The following POU5F1 variants were observed in gnomAD, a reference collection of about 807,000 sequenced individuals.
The protein encoded by POU5F1 is POU domain, class 5, transcription factor 1.
A neutral mutation model predicts 38.3 loss-of-function variants in POU5F1; 6 were observed. The observed-to-expected ratio is 0.16, with a 90% CI of 0.09 to 0.31. The LOEUF (loss-of-function observed/expected upper bound fraction) is 0.31. POU5F1 is among the 10% of genes least tolerant of loss of function. POU5F1 has a pLI of 1.00. For synonymous variants in POU5F1, 147 were observed against 194.9 expected, an observed-to-expected ratio of 0.75 and a Z score of 2.05; for missense variants, 286 against 462.6, an observed-to-expected ratio of 0.62 and a Z score of 3.50.
rs1237106007 is a variant in POU5F1 at position 31,165,295 on chromosome 6, G to A, written c.658-9C>T. On this transcript the variant is annotated splice_polypyrimidine_tract_variant and intron_variant, in intron 3 of 4. Transcript: ENST00000259915. This position sits in a 1 kb window ranked among gnomAD's most constrained non-coding sequence, Gnocchi z 6.5. ...GTTTCTGCTTTGCATATCTGTGCAG[G>A]TGGGAAGGGGGTGACAAGGGCAAGC... 2 of 1,608,134 alleles carry A rather than the reference G, an allele frequency of 1.2e-6. No individual in the cohort carries two copies. Among genetic ancestry groups the A allele is most frequent in the African/African-American group, 1.3e-5 (1 of 74,886 alleles).
Position 31,170,484 on chromosome 6 carries a change from C to G in POU5F1, c.137G>C (p.Gly46Ala). 6.2e-7 allele frequency: 1 copy of G among 1,602,418 alleles called. No individual in the cohort carries two copies. Among genetic ancestry groups the G allele is most frequent in the Non-Finnish European group, 8.5e-7 (1 of 1,175,232 alleles). The change falls in exon 1 of 5, where the codon GGA (glycine) becomes GCA (alanine). Residue 46 changes from glycine to alanine, a missense_variant. Gly to Ala is a moderately conservative substitution (Grantham distance 60). Around this residue, in one of 2 missense-constraint regions of POU5F1, gnomAD observed 176 missense variants for 184.8 expected, o/e 0.95. Coordinates refer to ENST00000259915, the MANE Select transcript of POU5F1 (RefSeq NM_002701.6). ...LSFQGPPGGP[G>A]IGPGVGPGSE... is the part of the protein sequence containing the mutation. Reference sequence around the variant, plus strand: ...GCCTGGCCCAACCCCCGGCCCGATTCCTGGCCCTCCAGGAGGGCCTTGGAA... The same window carrying G: ...GCCTGGCCCAACCCCCGGCCCGATTGCTGGCCCTCCAGGAGGGCCTTGGAA...
chr6:31,165,202 A>C lies in POU5F1; in HGVS notation c.742T>G (p.Leu248Val). ...ENRVRGNLENLFLQCPKPTLQ... is the reference protein window; with the variant it reads ...ENRVRGNLENVFLQCPKPTLQ... ...GTGGGTTTCGGGCACTGCAGGAACA[A>C]ATTCTCCAGGTTGCCTCTCACTCGG... Residue 248 changes from leucine to valine, a missense_variant, in exon 4 of 5, where the codon TTG becomes GTG. By Grantham distance (32) the Leu-to-Val change is conservative (BLOSUM62 1). Transcript: ENST00000259915. The surrounding 1 kb of genome is among the most constrained non-coding windows in gnomAD (Gnocchi z 6.5). The C allele has an allele frequency of 6.2e-7, 1 of 1,610,552 alleles. No individual in the cohort carries two copies.
intron 1 of POU5F1, chr6:31,167,045 C>G: frequency 1.7e-6 from 1 of 589,660 alleles, no homozygotes; most frequent in Non-Finnish European, 3.1e-6. Context: ...CGAGCACCTT[C>G]TATAAGCCAG....
chr6:31,165,481 C>CA lies in POU5F1; in HGVS notation c.657+89dup, dbSNP rs1777155174. On this transcript the variant is annotated intron_variant, in intron 3 of 4. Transcript: ENST00000259915. The surrounding 1 kb of genome is among the most constrained non-coding windows in gnomAD (Gnocchi z 6.5). ...TCCATCCCACTGAGAACCACTGCAC[C>CA]AAAGACGGAGAGCTACGAGCCAGTG... 6.2e-7 allele frequency: 1 copy of CA among 1,602,588 alleles called. No individual in the cohort carries two copies. The highest frequency in any genetic ancestry group is 1.3e-5 in the African/African-American group (1 of 74,790).
intron 1 of POU5F1, among the ~76,000 whole-genome samples, chr6:31,168,687 TGAG>T (rs1777457906): frequency 1.3e-5 from 2 of 152,182 alleles, no homozygotes; most frequent in Non-Finnish European, 2.9e-5. Flanking sequence ...TGAAAGAAAC[TGAG>T]GATGACTGGG....
Position 31,164,814 on chromosome 6 carries a change from G to A in POU5F1, c.870C>T (p.Ser290=), listed in dbSNP as rs141766253. The change falls in exon 5 of 5, where the codon AGC becomes AGT. Residue 290 remains serine, a synonymous_variant. Coordinates refer to ENST00000259915, the MANE Select transcript of POU5F1 (RefSeq NM_002701.6). The part of the protein sequence containing the change: ...NRRQKGKRSS[S]DYAQREDFEA... Reference sequence around the variant, plus strand: ...CAAAATCCTCTCGTTGTGCATAGTCGCTGCTTGATCGCTTGCCCTTCTGGC... The same window carrying A: ...CAAAATCCTCTCGTTGTGCATAGTCACTGCTTGATCGCTTGCCCTTCTGGC... 4.7e-5 allele frequency: 75 copies of A among 1,612,674 alleles called. No homozygotes were observed. The Middle Eastern group carries it at 5.0e-4, about 11-fold the overall frequency.
chr6:31,164,904 C>G, intron 4 of POU5F1, 37 bp from the exon 5 acceptor site: 1 of 1,531,148 alleles, frequency 6.5e-7, no homozygotes, highest in Non-Finnish European at 8.7e-7. Context: ...TGACATTAGA[C>G]AATGAGCTGA....
Position 31,165,682 on chromosome 6 carries a change from C to G in POU5F1, c.546G>C (p.Thr182=), listed in dbSNP as rs373808092. ...GVLFGKVFSQ[T]TICRFEALQL... ...GCAGAGCCTCAAAGCGGCAGATGGT[C>G]GTTTGGCTGAATACCTTCCCTGGGG... Residue 182 remains threonine (T), a synonymous_variant, in exon 3 of 5, where the codon ACG becomes ACC. Transcript: ENST00000259915. The surrounding 1 kb of genome is among the most constrained non-coding windows in gnomAD (Gnocchi z 6.5). 1 of 1,613,026 alleles carries G rather than the reference C, an allele frequency of 6.2e-7. No individual in the cohort carries two copies. Among genetic ancestry groups the G allele is most frequent in the Admixed American group, 1.7e-5 (1 of 59,778 alleles).
At chr6:31,166,480 G>A in intron 1 of POU5F1, 1 of 1,230,862 alleles carries the variant, frequency 8.1e-7, no homozygotes, top group Non-Finnish European at 1.1e-6. Flanking sequence ...CCAACATGGT[G>A]AAACCCCGTC....
chr6:31,170,199 C>A lies in POU5F1; in HGVS notation c.405+17G>T. On this transcript the variant is annotated intron_variant, in intron 1 of 4. Coordinates refer to ENST00000259915, the MANE Select transcript of POU5F1 (RefSeq NM_002701.6). ...TGACCACCTCCCCACACCCCAACCC[C>A]GTCGAAGCTCACTTGCCTCCTCCGG... The A allele has an allele frequency of 6.2e-7, 1 of 1,612,858 alleles. No homozygotes were observed. Among genetic ancestry groups the A allele is most frequent in the Non-Finnish European group, 8.5e-7 (1 of 1,179,832 alleles).
At chr6:31,167,533 C>T (rs1777359823) in intron 1 of POU5F1, among the ~76,000 whole-genome samples, 1 of 152,080 alleles carries the variant, frequency 6.6e-6, no homozygotes, top group Admixed American at 6.6e-5. Context: ...CATAGTGAGA[C>T]TCTGTCTCTA....
intron 1 of POU5F1, among the ~76,000 whole-genome samples, chr6:31,167,958 A>G (rs9263805): frequency 2.6e-5 from 4 of 151,766 alleles, no homozygotes; most frequent in East Asian, 2.0e-4. Context: ...TTTTCTCCCC[A>G]CCAAGACGGA....
chr6:31,165,107 G>T lies in POU5F1; in HGVS notation c.816+21C>A. ...GTGACAGGGGAAAGAGATGGAGCCC[G>T]CAGAGAGACATGGCACTCACATCCT... On this transcript the variant is annotated intron_variant, in intron 4 of 4. Transcript: ENST00000259915. The surrounding 1 kb of genome is among the most constrained non-coding windows in gnomAD (Gnocchi z 6.5). 6.2e-7 allele frequency: 1 copy of T among 1,602,640 alleles called. No individual in the cohort carries two copies. The highest frequency in any genetic ancestry group is 8.5e-7 in the Non-Finnish European group (1 of 1,174,900).
chr6:31,166,527 C>T (rs1777269970), intron 1 of POU5F1: 1 of 1,011,572 alleles, frequency 9.9e-7, no homozygotes, highest in African/African-American at 1.6e-5. Flanking sequence ...GGCACGGTGG[C>T]ACGCACCTGT....
intron 1 of POU5F1, chr6:31,166,368 T>G: frequency 7.1e-7 from 1 of 1,411,104 alleles, no homozygotes; most frequent in Non-Finnish European, 9.4e-7. Context: ...TTATGAAGGT[T>G]AGAAGTTCTT....
rs751096375 is a variant in POU5F1, at chr6:31,165,225, C to T, written c.719G>A (p.Arg240Gln). Residue 240 changes from arginine to glutamine, a missense_variant, in exon 4 of 5, where the codon CGA becomes CAA. By Grantham distance (43) the Arg-to-Gln change is conservative. This residue lies in a region of POU5F1 where 110 missense variants were observed against 277.8 expected (regional missense o/e 0.40). Coordinates refer to ENST00000259915, the MANE Select transcript of POU5F1 (RefSeq NM_002701.6). This position sits in a 1 kb window ranked among gnomAD's most constrained non-coding sequence, Gnocchi z 6.5. ...CAAATTCTCCAGGTTGCCTCTCACT[C>T]GGTTCTCGATACTGGTTCGCTTTCT... ...RKRKRTSIEN[R>Q]VRGNLENLFL... 28 of 1,610,768 alleles carry T rather than the reference C, an allele frequency of 1.7e-5. 1 individual carries two copies. Among genetic ancestry groups the T allele is most frequent in the East Asian group, 2.2e-5 (1 of 44,864 alleles).
intron 1 of POU5F1, chr6:31,166,943 TA>T (rs1372634738): frequency 1.8e-6 from 2 of 1,106,624 alleles, no homozygotes; most frequent in African/African-American, 2.8e-5. Flanking sequence ...TGTGTGTACT[TA>T]CTCATTTTTT....
chr6:31,167,572 A>T (rs1324029908), intron 1 of POU5F1, among the ~76,000 whole-genome samples: 1 of 151,814 alleles, frequency 6.6e-6, no homozygotes, highest in Non-Finnish European at 1.5e-5. Flanking sequence ...GCTGGGCATC[A>T]TGGCGCTCCC....
intron 1 of POU5F1, chr6:31,169,958 G>C (rs57229995): frequency 0.1 from 62,919 of 603,060 alleles, 4,184 homozygotes; most frequent in East Asian, 0.19. Flanking sequence ...GGCCAGCCTG[G>C]GCCAGCTTCC....
Sources: allele counts gnomAD v4.1 joint callset (sites outside exome capture counted in the v4.1 genomes callset), GRCh38; gene constraint gnomAD v4.1.1; regional missense constraint gnomAD v4.1.1; non-coding constraint Gnocchi (gnomAD v3.1); transcripts MANE v1.5; gene names NCBI Gene and HGNC (gene_info 2026-07-23, HGNC 2026-07-21).